DOK6: variants seen among roughly 807,000 people sequenced by gnomAD.
DOK6 encodes docking protein 6, also known as downstream of tyrosine kinase 6.
Under a neutral mutation model 44.0 loss-of-function variants are expected in DOK6, and 22 were observed. That is an observed-to-expected ratio of 0.50 (90% CI 0.36 to 0.71). The LOEUF (loss-of-function observed/expected upper bound fraction) is 0.71, where lower values mean the gene tolerates loss of function less well. Among genes scored for constraint, DOK6 ranks in the 30% least tolerant of loss-of-function variants. The pLI, the probability that DOK6 is intolerant of heterozygous loss-of-function variation, is 0.00. For missense variants in DOK6, 340 were observed against 416.4 expected, an observed-to-expected ratio of 0.82 and a Z score of 1.60; for synonymous variants, 166 against 145.5, an observed-to-expected ratio of 1.14 and a Z score of -1.01.
At chr18:69,560,263 G>A (rs950284850) in intron 1 of DOK6, among the ~76,000 whole-genome samples, 2 of 152,040 alleles carry the variant, frequency 1.3e-5, no homozygotes, top group African/African-American at 4.8e-5. Context: ...CTGTTTTTAG[G>A]CATTACAATA....
intron 1 of DOK6, among the ~76,000 whole-genome samples, chr18:69,455,171 A>G (rs1165361742): frequency 2.4e-5 from 3 of 124,952 alleles, no homozygotes; most frequent in Non-Finnish European, 3.3e-5. Flanking sequence ...AAAAAAAAAA[A>G]AAAGAAAAGA....
intron 6 of DOK6, among the ~76,000 whole-genome samples, chr18:69,754,841 C>T (rs551659569): frequency 6.6e-6 from 1 of 152,092 alleles, no homozygotes; most frequent in Non-Finnish European, 1.5e-5. Context: ...CAAATATAGT[C>T]ATTTGGGGGA....
chr18:69,410,766 C>T (rs547145738), intron 1 of DOK6, among the ~76,000 whole-genome samples: 1 of 152,246 alleles, frequency 6.6e-6, no homozygotes, highest in East Asian at 1.9e-4. Flanking sequence ...TAAGATACCA[C>T]GGCTATTTAA....
chr18:69,576,520 C>T (rs4891751), intron 2 of DOK6, among the ~76,000 whole-genome samples: 142,123 of 152,196 alleles, frequency 0.93, 67,140 homozygotes, highest in East Asian at 1. Flanking sequence ...CTTTGTGTTA[C>T]GCCCTATCTG....
intron 5 of DOK6, among the ~76,000 whole-genome samples, chr18:69,727,498 C>T (rs1274972410): frequency 6.6e-6 from 1 of 152,144 alleles, no homozygotes; most frequent in African/African-American, 2.4e-5. Context: ...TCACTCCATA[C>T]CCCCAAGTGA....
intron 3 of DOK6, among the ~76,000 whole-genome samples, chr18:69,644,518 T>C (rs997700501): frequency 1.3e-5 from 2 of 152,164 alleles, no homozygotes; most frequent in African/African-American, 4.8e-5. Context: ...AGGTTACCAT[T>C]CCTCCATTGA....
chr18:69,542,220 G>A (rs1403062364), intron 1 of DOK6, among the ~76,000 whole-genome samples: 1 of 151,404 alleles, frequency 6.6e-6, no homozygotes, highest in Non-Finnish European at 1.5e-5. Context: ...AACCAACTTA[G>A]CAAACTTAAC....
At position 69,473,087 on chromosome 18, in the gene DOK6, G is replaced by A. The variant is rs552509561; in HGVS notation, c.66+71777G>A. 3.9e-5 allele frequency among the ~76,000 whole-genome samples: 6 copies of A among 152,176 alleles called. No homozygotes were observed. In the South Asian group the frequency reaches 1.2e-3, roughly 32 times the overall value. On this transcript the variant is annotated intron_variant, in intron 1 of 7. Transcript: ENST00000382713. ...AAATGTTACAAGTATCAACTTGGTT[G>A]GGAAAAAAATTAATATTTTTTTATT...
chr18:69,547,933 TATATATATAATATATATAAA>T (rs1294604397), intron 1 of DOK6, among the ~76,000 whole-genome samples: 1 of 142,912 alleles, frequency 7.0e-6, no homozygotes, highest in African/African-American at 2.5e-5. Context: ...TAATATATAA[TATATATATAATATATATAAA>T]ATATATATAT....
At chr18:69,720,858 T>C (rs1415786576) in intron 5 of DOK6, among the ~76,000 whole-genome samples, 3 of 152,170 alleles carry the variant, frequency 2.0e-5, no homozygotes, top group African/African-American at 7.2e-5. Context: ...GTAGCTACTT[T>C]AAAATCTAAA....
At chr18:69,824,524 C>T (rs1981685289) in intron 7 of DOK6, among the ~76,000 whole-genome samples, 1 of 151,808 alleles carries the variant, frequency 6.6e-6, no homozygotes, top group Admixed American at 6.6e-5. Flanking sequence ...ACCATGCCAA[C>T]TAATTCCTGT....
At chr18:69,599,300 T>A in intron 2 of DOK6, 84 bp from the exon 3 acceptor site, 2 of 946,386 alleles carry the variant, frequency 2.1e-6, no homozygotes, top group Non-Finnish European at 1.6e-6. Context: ...CATGTAAGAC[T>A]GTGATAACTT....
intron 1 of DOK6, among the ~76,000 whole-genome samples, chr18:69,535,781 C>T (rs771113284): frequency 1.3e-5 from 2 of 151,808 alleles, no homozygotes; most frequent in Non-Finnish European, 2.9e-5. Flanking sequence ...CATTATGAAA[C>T]TGTGGATTTC....
chr18:69,603,880 A>AG (rs1373548915), intron 3 of DOK6, among the ~76,000 whole-genome samples: 1 of 151,720 alleles, frequency 6.6e-6, no homozygotes, highest in Non-Finnish European at 1.5e-5. Flanking sequence ...GCATAAGTTT[A>AG]GGGAAACTAT....
intron 3 of DOK6, among the ~76,000 whole-genome samples, chr18:69,634,620 T>C (rs971214362): frequency 1.3e-5 from 2 of 152,204 alleles, no homozygotes; most frequent in African/African-American, 2.4e-5. Context: ...TTTGATAGTA[T>C]TTATTTATTC....
chr18:69,422,244 C>A (rs540804610), intron 1 of DOK6, among the ~76,000 whole-genome samples: 33 of 152,292 alleles, frequency 2.2e-4, no homozygotes, highest in African/African-American at 7.0e-4. Context: ...TTAAAAAAAT[C>A]TTATCCTCTT....
At chr18:69,690,840 T>C (rs1986248508) in intron 4 of DOK6, among the ~76,000 whole-genome samples, 1 of 152,224 alleles carries the variant, frequency 6.6e-6, no homozygotes, top group East Asian at 1.9e-4. Flanking sequence ...AGTTTTGGAT[T>C]CTTACTAAAA....
intron 7 of DOK6, among the ~76,000 whole-genome samples, chr18:69,786,008 C>A (rs1205032546): frequency 6.6e-6 from 1 of 152,126 alleles, no homozygotes; most frequent in Non-Finnish European, 1.5e-5. Flanking sequence ...GGAAGTTATA[C>A]TAAGTAAAAG....
At chr18:69,811,905 A>T (rs1269811184) in intron 7 of DOK6, among the ~76,000 whole-genome samples, 1 of 152,092 alleles carries the variant, frequency 6.6e-6, no homozygotes, top group Non-Finnish European at 1.5e-5. Flanking sequence ...ATGCCTCAAG[A>T]CAAAATAAAT....
Sources: gnomAD v4.1 joint callset for allele counts (sites outside exome capture counted in the v4.1 genomes callset) on GRCh38, gnomAD v4.1.1 for gene constraint, MANE v1.5 for transcripts, NCBI Gene and HGNC (gene_info 2026-07-23, HGNC 2026-07-21) for gene names.